The following ZNF423 variants were observed in gnomAD, a reference collection of about 807,000 sequenced individuals.
The protein encoded by ZNF423 is Ebf-associated zinc finger protein.
Under a neutral mutation model 95.8 loss-of-function variants are expected in ZNF423, and 12 were observed. The observed-to-expected ratio is 0.13, with a 90% CI of 0.08 to 0.20. The LOEUF is 0.20. Ranked by LOEUF, ZNF423 falls within the 10% of genes least tolerant of loss-of-function variation. The pLI is 1.00. For missense variants in ZNF423, 1,316 were observed against 1,737.1 expected (o/e 0.76, Z 4.31); for synonymous variants, 749 against 711.9 (o/e 1.05, Z -0.83).
chr16:49,585,646 G>C (rs1032019178), intron 5 of ZNF423, among the ~76,000 whole-genome samples: 1 of 152,188 alleles, frequency 6.6e-6, no homozygotes. Context: ...ACAAATTACC[G>C]GCAATTAGCC....
chr16:49,602,486 C>G (rs970912328), intron 5 of ZNF423, among the ~76,000 whole-genome samples: 1 of 152,144 alleles, frequency 6.6e-6, no homozygotes, highest in Admixed American at 6.5e-5. Context: ...GTCCATAGAC[C>G]AGGGCACACT....
intron 3 of ZNF423, among the ~76,000 whole-genome samples, chr16:49,696,689 G>C (rs961564002): frequency 6.6e-6 from 1 of 151,616 alleles, no homozygotes; most frequent in Admixed American, 6.6e-5. Flanking sequence ...AGCCTGACTG[G>C]GCCTTTGTTG....
intron 3 of ZNF423, among the ~76,000 whole-genome samples, chr16:49,701,793 T>C (rs925258135): frequency 1.3e-5 from 2 of 152,150 alleles, no homozygotes; most frequent in African/African-American, 4.8e-5. Context: ...GCAGATTAAA[T>C]GAAGGAAGCT....
intron 3 of ZNF423, among the ~76,000 whole-genome samples, chr16:49,702,909 GCACACACACACACACA>G (rs66522223): frequency 7.7e-4 from 113 of 147,644 alleles, no homozygotes; most frequent in African/African-American, 1.2e-3. Flanking sequence ...GTGTGCACAC[GCACACACACACACACA>G]CACACACACA....
intron 2 of ZNF423, among the ~76,000 whole-genome samples, chr16:49,745,590 C>T (rs1010899510): frequency 1.3e-5 from 2 of 152,228 alleles, no homozygotes; most frequent in South Asian, 2.1e-4. Flanking sequence ...ATTGTGAAGA[C>T]ATTTTTGAGG....
chr16:49,788,012 A>C (rs2034345887), intron 2 of ZNF423, among the ~76,000 whole-genome samples: 1 of 152,202 alleles, frequency 6.6e-6, no homozygotes. Flanking sequence ...CCCGCACAGA[A>C]GGAGACACAC....
intron 1 of ZNF423, among the ~76,000 whole-genome samples, chr16:49,836,726 C>T (rs1445486090): frequency 6.6e-6 from 1 of 152,122 alleles, no homozygotes; most frequent in Non-Finnish European, 1.5e-5. Context: ...TAAATACTCC[C>T]CATGAATGCC....
At chr16:49,617,964 C>T (rs1971931558) in intron 5 of ZNF423, among the ~76,000 whole-genome samples, 1 of 152,236 alleles carries the variant, frequency 6.6e-6, no homozygotes. Context: ...ACTCTCCAGG[C>T]TCCTCCCAGA....
chr16:49,724,687 C>A (rs2032960755), intron 3 of ZNF423, among the ~76,000 whole-genome samples: 1 of 152,206 alleles, frequency 6.6e-6, no homozygotes, highest in Non-Finnish European at 1.5e-5. Context: ...TTGGGGCCCA[C>A]AGGTCACTCT....
intron 2 of ZNF423, among the ~76,000 whole-genome samples, chr16:49,777,211 A>G (rs943908991): frequency 6.6e-6 from 1 of 152,206 alleles, no homozygotes; most frequent in South Asian, 2.1e-4. Flanking sequence ...AGGCCCATAT[A>G]TGTGAATGTG....
rs762410542 is a variant in ZNF423 at position 49,523,717 on chromosome 16, C to T, written c.3756G>A (p.Leu1252=). ...CGTGCACGGCAAAGATGTGCTGCTGCAACTTGTTGGCCTGGACGAAGACTA... is the reference window on the plus strand; with the variant it reads ...CGTGCACGGCAAAGATGTGCTGCTGTAACTTGTTGGCCTGGACGAAGACTA... ...CFTVFVQANK[L]QQHIFAVHGQ... is the part of the protein sequence containing the mutation. Residue 1252 remains leucine, a synonymous_variant, in exon 7 of 8, where the codon TTG becomes TTA. Transcript: ENST00000563137. 1 of 1,613,918 alleles carries T rather than the reference C, an allele frequency of 6.2e-7. No individual in the cohort carries two copies. Among genetic ancestry groups the T allele is most frequent in the South Asian group, 1.1e-5 (1 of 91,086 alleles).
intron 3 of ZNF423, among the ~76,000 whole-genome samples, chr16:49,679,423 G>A (rs1425134651): frequency 1.3e-5 from 2 of 152,244 alleles, no homozygotes; most frequent in African/African-American, 2.4e-5. Context: ...AGGCTCGGAA[G>A]TGCCTGCTCC....
At chr16:49,726,890 A>G (rs2033032996) in intron 3 of ZNF423, among the ~76,000 whole-genome samples, 1 of 145,344 alleles carries the variant, frequency 6.9e-6, no homozygotes, top group Non-Finnish European at 1.5e-5. Context: ...AAAATGGCGA[A>G]GACCAGGTAA....
chr16:49,853,301 C>CGGGGGGG (rs146210483), intron 1 of ZNF423, among the ~76,000 whole-genome samples: 6 of 78,320 alleles, frequency 7.7e-5, no homozygotes, highest in Admixed American at 1.3e-4. Context: ...AGGGGCGGGG[C>CGGGGGGG]GGGGGGGGAG....
chr16:49,626,677 T>C (rs28542020), intron 4 of ZNF423, among the ~76,000 whole-genome samples: 83,927 of 149,758 alleles, frequency 0.56, 26,328 homozygotes, highest in African/African-American at 0.87. Context: ...ATCCATCCAC[T>C]CATTCATCTA....
intron 3 of ZNF423, among the ~76,000 whole-genome samples, chr16:49,729,099 G>C: frequency 6.6e-6 from 1 of 152,214 alleles, no homozygotes; most frequent in South Asian, 2.1e-4. Flanking sequence ...AGGGCTGGAG[G>C]AAGGGGCAGC....
At chr16:49,646,531 A>G (rs549014520) in intron 3 of ZNF423, among the ~76,000 whole-genome samples, 25 of 150,278 alleles carry the variant, frequency 1.7e-4, no homozygotes, top group Admixed American at 1.3e-3. Flanking sequence ...AGTCACAGGC[A>G]GATCCAGTGG....
chr16:49,801,382 A>G (rs1245192874), intron 1 of ZNF423, among the ~76,000 whole-genome samples: 1 of 152,228 alleles, frequency 6.6e-6, no homozygotes, highest in Non-Finnish European at 1.5e-5. Context: ...TAGAGTCCCA[A>G]ATAAGAGAAA....
At chr16:49,708,628 G>T (rs927918718) in intron 3 of ZNF423, among the ~76,000 whole-genome samples, 3 of 151,992 alleles carry the variant, frequency 2.0e-5, no homozygotes, top group Non-Finnish European at 2.9e-5. Flanking sequence ...ACCACCTCAG[G>T]GACCCCTCCC....
Sources: allele counts gnomAD v4.1 joint callset (sites outside exome capture counted in the v4.1 genomes callset), GRCh38; gene constraint gnomAD v4.1.1; transcripts MANE v1.5; gene names NCBI Gene and HGNC (gene_info 2026-07-23, HGNC 2026-07-21).